Variants in KCND2 observed in about 807,000 individuals in gnomAD.
KCND2 encodes potassium voltage-gated channel subfamily D member 2, also known as A-type voltage-gated potassium channel KCND2.
Under a neutral mutation model 54.4 loss-of-function variants are expected in KCND2, and 16 were observed. That is an observed-to-expected ratio of 0.29 (90% CI 0.20 to 0.45). KCND2 has a LOEUF of 0.45. Among genes scored for constraint, KCND2 ranks in the 20% least tolerant of loss-of-function variants. The pLI is 1.00. For missense variants in KCND2, 486 were observed against 824.2 expected (o/e 0.59, Z 5.02); for synonymous variants, 317 against 310.7 (o/e 1.02, Z -0.21).
intron 1 of KCND2, among the ~76,000 whole-genome samples, chr7:120,731,190 A>C (rs1014694321): frequency 6.6e-5 from 10 of 152,248 alleles, no homozygotes; most frequent in African/African-American, 2.4e-4. Flanking sequence ...CTCACGAAAC[A>C]CAAAGTAGAA....
chr7:120,305,248 A>T lies in KCND2; in HGVS notation c.1115+29501A>T, dbSNP rs559591047. ...TGAAAATTATGAGGCTGTAGGTTCA[A>T]ACTGTTCTGTTGAAAATGTGCCCAA... On this transcript the variant is annotated intron_variant, in intron 1 of 5. Coordinates refer to ENST00000331113, the MANE Select transcript of KCND2 (RefSeq NM_012281.3). Among the ~76,000 whole-genome samples, 13 of 152,266 alleles carry T rather than the reference A, an allele frequency of 8.5e-5. No individual in the cohort carries two copies. The East Asian group carries it at 2.5e-3, about 29-fold the overall frequency.
intron 2 of KCND2, among the ~76,000 whole-genome samples, chr7:120,737,115 G>C (rs1037764171): frequency 6.8e-6 from 1 of 147,352 alleles, no homozygotes; most frequent in African/African-American, 2.5e-5. Flanking sequence ...ACAGATTGTT[G>C]AGCCCTACTC....
chr7:120,314,653 G>A (rs1799786879), intron 1 of KCND2, among the ~76,000 whole-genome samples: 2 of 152,234 alleles, frequency 1.3e-5, no homozygotes, highest in South Asian at 4.1e-4. Context: ...CGATGGATCT[G>A]TATACAACAT....
chr7:120,500,128 C>T, intron 1 of KCND2, among the ~76,000 whole-genome samples: 1 of 152,256 alleles, frequency 6.6e-6, no homozygotes, highest in South Asian at 2.1e-4. Context: ...ATAATTTTCT[C>T]AATTAGAAAC....
At chr7:120,714,877 CCA>C (rs1032226015) in intron 1 of KCND2, among the ~76,000 whole-genome samples, 13 of 150,164 alleles carry the variant, frequency 8.7e-5, no homozygotes, top group African/African-American at 2.9e-4. Flanking sequence ...TATATAATAC[CCA>C]CACACACTTT....
At chr7:120,482,127 C>G (rs1160184759) in intron 1 of KCND2, among the ~76,000 whole-genome samples, 1 of 152,142 alleles carries the variant, frequency 6.6e-6, no homozygotes, top group Non-Finnish European at 1.5e-5. Context: ...GGACGTGGAG[C>G]CAAAGGAAAT....
chr7:120,427,466 C>T (rs1012037626), intron 1 of KCND2, among the ~76,000 whole-genome samples: 1 of 152,152 alleles, frequency 6.6e-6, no homozygotes, highest in South Asian at 2.1e-4. Context: ...ATTCTTCAGA[C>T]TATTAACATC....
chr7:120,369,039 A>G (rs1222757217), intron 1 of KCND2, among the ~76,000 whole-genome samples: 1 of 151,918 alleles, frequency 6.6e-6, no homozygotes, highest in African/African-American at 2.4e-5. Flanking sequence ...TGTAGTAGAG[A>G]TGGTATTTGG....
At chr7:120,659,194 C>T (rs1791838108) in intron 1 of KCND2, among the ~76,000 whole-genome samples, 1 of 152,134 alleles carries the variant, frequency 6.6e-6, no homozygotes. Flanking sequence ...ACTCAAGAGA[C>T]TTCACAGTTT....
rs1364361395 is a variant in KCND2, at chr7:120,650,168, GC to G, written c.1116-82734del. ...CTGAATTTGAATGTTGGCTTGCCTT[GC>G]TAGGTTGGGGAAGTTCTCCTGGATA... On this transcript the variant is annotated intron_variant, in intron 1 of 5. Transcript: ENST00000331113. Among the ~76,000 whole-genome samples, 2 of 146,158 alleles carry G rather than the reference GC, an allele frequency of 1.4e-5. 1 individual carries two copies. Among genetic ancestry groups the G allele is most frequent in the Non-Finnish European group, 3.0e-5 (2 of 66,756 alleles).
At chr7:120,388,644 A>T (rs1208247627) in intron 1 of KCND2, among the ~76,000 whole-genome samples, 2 of 151,972 alleles carry the variant, frequency 1.3e-5, no homozygotes, top group African/African-American at 4.8e-5. Flanking sequence ...TCACACCTCA[A>T]TGAGGGTTCT....
chr7:120,447,764 T>A (rs978873394), intron 1 of KCND2, among the ~76,000 whole-genome samples: 1 of 152,204 alleles, frequency 6.6e-6, no homozygotes, highest in African/African-American at 2.4e-5. Context: ...AAATGAATAT[T>A]TCTAAGCATC....
At chr7:120,476,635 T>C (rs1454345073) in intron 1 of KCND2, among the ~76,000 whole-genome samples, 1 of 149,784 alleles carries the variant, frequency 6.7e-6, no homozygotes, top group East Asian at 2.5e-4. Flanking sequence ...TGTGCCTGTG[T>C]GTGGGGGAAG....
At chr7:120,290,809 G>A (rs1191219473) in intron 1 of KCND2, among the ~76,000 whole-genome samples, 1 of 151,902 alleles carries the variant, frequency 6.6e-6, no homozygotes, top group Non-Finnish European at 1.5e-5. Context: ...CTAATGAGAA[G>A]AATTCTCAGG....
chr7:120,518,709 C>A (rs545043703), intron 1 of KCND2, among the ~76,000 whole-genome samples: 1 of 151,472 alleles, frequency 6.6e-6, no homozygotes, highest in South Asian at 2.1e-4. Flanking sequence ...AGAACTGAAA[C>A]AATAGTTTGT....
At chr7:120,416,481 A>G (rs1050006233) in intron 1 of KCND2, among the ~76,000 whole-genome samples, 6 of 152,162 alleles carry the variant, frequency 3.9e-5, no homozygotes, top group East Asian at 3.8e-4. Flanking sequence ...ATAGTATTAC[A>G]TATATGTTTT....
chr7:120,472,091 T>G (rs1414014624), intron 1 of KCND2, among the ~76,000 whole-genome samples: 3 of 151,906 alleles, frequency 2.0e-5, no homozygotes, highest in Non-Finnish European at 4.4e-5. Context: ...TCCAACTATA[T>G]AGTTTGGGGT....
intron 1 of KCND2, among the ~76,000 whole-genome samples, chr7:120,517,524 T>C (rs981417589): frequency 2.0e-5 from 3 of 152,120 alleles, no homozygotes; most frequent in Non-Finnish European, 4.4e-5. Context: ...AAATGCAATC[T>C]TTTTCACTTA....
chr7:120,678,984 A>G (rs1792107114), intron 1 of KCND2, among the ~76,000 whole-genome samples: 1 of 151,640 alleles, frequency 6.6e-6, no homozygotes, highest in Admixed American at 6.6e-5. Flanking sequence ...CTCTTCGAAG[A>G]TACTAAATGT....
Sources: gnomAD v4.1 joint callset for allele counts (sites outside exome capture counted in the v4.1 genomes callset) on GRCh38, gnomAD v4.1.1 for gene constraint, MANE v1.5 for transcripts, NCBI Gene and HGNC (gene_info 2026-07-23, HGNC 2026-07-21) for gene names.